SSBP3: variants seen among roughly 807,000 people sequenced by gnomAD.
SSBP3 encodes single stranded DNA binding protein 3.
SSBP3 carries 5 observed loss-of-function variants against 69.6 expected under a neutral mutation model. The observed-to-expected ratio is 0.07, with a 90% CI of 0.04 to 0.15. SSBP3 has a LOEUF of 0.15. SSBP3 is among the 10% of genes least tolerant of loss of function. SSBP3 has a pLI of 1.00. For synonymous variants in SSBP3, 196 were observed against 193.4 expected (o/e 1.01, Z -0.11); for missense variants, 312 against 534.0 (o/e 0.58, Z 4.10).
intron 4 of SSBP3, among the ~76,000 whole-genome samples, chr1:54,356,240 T>C (rs1452404180): frequency 2.6e-5 from 4 of 152,122 alleles, no homozygotes; most frequent in Non-Finnish European, 5.9e-5. Context: ...CTAGGTGCGT[T>C]TTTACAAATT....
intron 17 of SSBP3, among the ~76,000 whole-genome samples, chr1:54,227,939 G>A (rs1272513333): frequency 1.3e-5 from 2 of 152,156 alleles, no homozygotes; most frequent in African/African-American, 4.8e-5. Flanking sequence ...TTCCCCACTG[G>A]ACAGATGGAA....
chr1:54,315,943 T>C (rs972336378), intron 4 of SSBP3, among the ~76,000 whole-genome samples: 3 of 152,080 alleles, frequency 2.0e-5, no homozygotes, highest in Admixed American at 6.6e-5. Flanking sequence ...ATTACAGGCA[T>C]GAGCCATTGC....
chr1:54,365,679 G>A (rs369681950), intron 4 of SSBP3, among the ~76,000 whole-genome samples: 8 of 152,076 alleles, frequency 5.3e-5, no homozygotes, highest in African/African-American at 1.9e-4. Flanking sequence ...ACCCAGCTCC[G>A]TCATGAACGG....
At chr1:54,327,965 C>T (rs1006212992) in intron 4 of SSBP3, among the ~76,000 whole-genome samples, 1 of 152,150 alleles carries the variant, frequency 6.6e-6, no homozygotes, top group East Asian at 1.9e-4. Context: ...CGTAAGCCAG[C>T]GTTTATTTTT....
intron 4 of SSBP3, among the ~76,000 whole-genome samples, chr1:54,363,111 C>T (rs929892547): frequency 1.3e-5 from 2 of 152,170 alleles, no homozygotes; most frequent in African/African-American, 2.4e-5. Flanking sequence ...AGGCACCAGG[C>T]ATTAAGAAGC....
chr1:54,226,638 T>C (rs1173177463), exon 18 of SSBP3: 4 of 166,536 alleles, frequency 2.4e-5, no homozygotes, highest in Non-Finnish European at 5.1e-5. Context: ...GCAGGGCTTC[T>C]GGTTTTCCTT....
At chr1:54,293,289 G>C (rs1288759273) in intron 4 of SSBP3, among the ~76,000 whole-genome samples, 3 of 152,026 alleles carry the variant, frequency 2.0e-5, no homozygotes. Context: ...TCTGCTAAGG[G>C]GGTGGGGCCT....
chr1:54,264,619 T>A (rs1258706904), intron 5 of SSBP3, among the ~76,000 whole-genome samples: 3 of 152,224 alleles, frequency 2.0e-5, no homozygotes, highest in Non-Finnish European at 4.4e-5. Context: ...CTTGTCGCCC[T>A]GGGTCTTGGC....
intron 4 of SSBP3, among the ~76,000 whole-genome samples, chr1:54,306,421 G>A (rs1416046116): frequency 6.6e-6 from 1 of 152,170 alleles, no homozygotes; most frequent in South Asian, 2.1e-4. Flanking sequence ...CAAAGACTGG[G>A]TTATCTGAAA....
chr1:54,281,909 C>T (rs932941512), intron 4 of SSBP3, among the ~76,000 whole-genome samples: 2 of 151,992 alleles, frequency 1.3e-5, no homozygotes, highest in Non-Finnish European at 2.9e-5. Flanking sequence ...CCGGCGCGGG[C>T]AACATAGGGA....
intron 4 of SSBP3, among the ~76,000 whole-genome samples, chr1:54,314,975 C>T (rs1486720056): frequency 6.6e-6 from 1 of 152,150 alleles, no homozygotes; most frequent in Non-Finnish European, 1.5e-5. Flanking sequence ...TGTCACTCGG[C>T]CCTGATCATC....
chr1:54,305,806 C>T (rs1266343213), intron 4 of SSBP3, among the ~76,000 whole-genome samples: 3 of 149,760 alleles, frequency 2.0e-5, no homozygotes, highest in Non-Finnish European at 4.4e-5. Context: ...AAGAAACTCT[C>T]GCTTGGATTT....
At chr1:54,384,659 A>C (rs548909607) in intron 4 of SSBP3, among the ~76,000 whole-genome samples, 5 of 152,392 alleles carry the variant, frequency 3.3e-5, no homozygotes, top group Admixed American at 1.3e-4. Flanking sequence ...CAAAGGCCCC[A>C]AGGCAGAGAG....
At chr1:54,283,827 C>T (rs759250450) in intron 4 of SSBP3, among the ~76,000 whole-genome samples, 10 of 152,196 alleles carry the variant, frequency 6.6e-5, no homozygotes, top group Non-Finnish European at 1.2e-4. Flanking sequence ...TGCCCCTGCC[C>T]GGCACTATCT....
Position 54,229,436 on chromosome 1 carries a change from G to C in SSBP3, c.928-610C>G, listed in dbSNP as rs142444715. Reference sequence around the variant, plus strand: ...TGGGCGGTGAGAAGAGGTGGGGTTTGATGAGTGGTGGGGAAGAGAGAGCTA... The same window carrying C: ...TGGGCGGTGAGAAGAGGTGGGGTTTCATGAGTGGTGGGGAAGAGAGAGCTA... On this transcript the variant is annotated intron_variant, in intron 14 of 17. Coordinates refer to ENST00000610401, the Ensembl canonical transcript of SSBP3. 3.9e-5 allele frequency among the ~76,000 whole-genome samples: 6 copies of C among 152,266 alleles called. No homozygotes were observed. In the East Asian group the frequency reaches 1.2e-3, roughly 29 times the overall value.
chr1:54,228,662 G>A, intron 15 of SSBP3, 86 bp downstream of exon 15: 1 of 1,513,660 alleles, frequency 6.6e-7, no homozygotes, highest in Non-Finnish European at 8.9e-7. Context: ...CCAGGGCTCT[G>A]TACCAAGCCC....
At chr1:54,388,112 G>A (rs1007592207) in intron 4 of SSBP3, among the ~76,000 whole-genome samples, 1 of 152,006 alleles carries the variant, frequency 6.6e-6, no homozygotes, top group Non-Finnish European at 1.5e-5. Context: ...TCATCTCACC[G>A]AGAAGCAAAC....
intron 4 of SSBP3, among the ~76,000 whole-genome samples, chr1:54,289,119 G>A (rs534598910): frequency 1.6e-3 from 234 of 149,874 alleles, no homozygotes; most frequent in African/African-American, 5.4e-3. Flanking sequence ...TGACTCTTAT[G>A]AAAAGAAATA....
intron 4 of SSBP3, among the ~76,000 whole-genome samples, chr1:54,314,223 T>C (rs1646056804): frequency 6.6e-6 from 1 of 152,180 alleles, no homozygotes; most frequent in Non-Finnish European, 1.5e-5. Context: ...CAGGATTACC[T>C]GATTGTCTGG....
Sources: gnomAD v4.1 joint callset for allele counts (sites outside exome capture counted in the v4.1 genomes callset) on GRCh38, gnomAD v4.1.1 for gene constraint, MANE v1.5 for transcripts, NCBI Gene and HGNC (gene_info 2026-07-23, HGNC 2026-07-21) for gene names.